The following CEMIP2 variants were observed in gnomAD, a reference collection of about 807,000 sequenced individuals.
CEMIP2 encodes cell surface hyaluronidase CEMIP2.
Under a neutral mutation model 146.9 loss-of-function variants are expected in CEMIP2, and 79 were observed. The ratio of observed to expected loss-of-function variants is 0.54; its 90% CI spans 0.45 to 0.65. The LOEUF is 0.65. Among genes scored for constraint, CEMIP2 ranks in the 30% least tolerant of loss-of-function variants. CEMIP2 has a pLI of 0.00. For missense variants in CEMIP2, 1,596 were observed against 1,696.2 expected (o/e 0.94, Z 1.04); for synonymous variants, 601 against 606.3 (o/e 0.99, Z 0.13).
chr9:71,702,571 T>G (rs1428425498), intron 18 of CEMIP2, among the ~76,000 whole-genome samples: 5 of 152,174 alleles, frequency 3.3e-5, no homozygotes, highest in African/African-American at 9.7e-5. Flanking sequence ...TTCCATTTTC[T>G]TTATGTTTTT....
At chr9:71,692,674 C>T (rs569285313) in intron 21 of CEMIP2, among the ~76,000 whole-genome samples, 4 of 152,144 alleles carry the variant, frequency 2.6e-5, no homozygotes, top group Middle Eastern at 3.4e-3. Flanking sequence ...TTTGGAAGGC[C>T]AAGGCAGGAA....
chr9:71,768,135 G>A (rs904178183), intron 1 of CEMIP2, among the ~76,000 whole-genome samples: 1 of 152,184 alleles, frequency 6.6e-6, no homozygotes, highest in Non-Finnish European at 1.5e-5. Flanking sequence ...CTGGGGAGTC[G>A]GGTCAGTCCC....
intron 12 of CEMIP2, among the ~76,000 whole-genome samples, chr9:71,719,495 T>C (rs1823168025): frequency 6.6e-6 from 1 of 152,176 alleles, no homozygotes; most frequent in African/African-American, 2.4e-5. Flanking sequence ...ATCAAATTTC[T>C]TTTTTGTTCT....
chr9:71,692,365 ATCTCTC>A (rs10683725), intron 21 of CEMIP2, among the ~76,000 whole-genome samples: 19 of 90,560 alleles, frequency 2.1e-4, no homozygotes, highest in Admixed American at 6.9e-4. Flanking sequence ...TCTACCCCCC[ATCTCTC>A]TCTCTCTCTC....
chr9:71,758,846 C>T (rs552673543), intron 1 of CEMIP2, among the ~76,000 whole-genome samples: 1 of 152,184 alleles, frequency 6.6e-6, no homozygotes, highest in Non-Finnish European at 1.5e-5. Context: ...GAAGATTTTC[C>T]ACAGGACATG....
chr9:71,696,763 C>A (rs1446302305), intron 20 of CEMIP2, among the ~76,000 whole-genome samples: 3 of 151,886 alleles, frequency 2.0e-5, no homozygotes, highest in Non-Finnish European at 4.4e-5. Context: ...GAGAGAGACT[C>A]CATCTCAACA....
intron 11 of CEMIP2, among the ~76,000 whole-genome samples, chr9:71,723,060 A>G (rs1823283564): frequency 6.7e-6 from 1 of 149,540 alleles, no homozygotes; most frequent in African/African-American, 2.4e-5. Context: ...GAAGGAGCTG[A>G]AGAGCCAGAG....
chr9:71,756,227 T>TA, intron 1 of CEMIP2, among the ~76,000 whole-genome samples: 3 of 104,492 alleles, frequency 2.9e-5, no homozygotes, highest in South Asian at 3.9e-4. Flanking sequence ...TATATATATA[T>TA]GTATATAGGT....
intron 20 of CEMIP2, among the ~76,000 whole-genome samples, chr9:71,697,112 G>A (rs544958553): frequency 2.8e-4 from 43 of 152,308 alleles, no homozygotes; most frequent in Admixed American, 9.8e-4. Flanking sequence ...TTGCCAGGCC[G>A]CAGCCCCACA....
At chr9:71,715,625 G>T (rs1265111685) in intron 14 of CEMIP2, among the ~76,000 whole-genome samples, 77 of 119,044 alleles carry the variant, frequency 6.5e-4, no homozygotes, top group Non-Finnish European at 9.3e-4. Flanking sequence ...TCCCTCTTAA[G>T]ATATATATAT....
chr9:71,750,355 T>C lies in CEMIP2; in HGVS notation c.19A>G (p.Arg7Gly), dbSNP rs776154738. 6.2e-7 allele frequency: 1 copy of C among 1,611,754 alleles called. No homozygotes were observed. The highest frequency in any genetic ancestry group is 8.5e-7 in the Non-Finnish European group (1 of 1,178,972). Residue 7 changes from arginine to glycine, a missense_variant, in exon 2 of 24, where the codon AGG becomes GGG. By Grantham distance (125) the Arg-to-Gly change is moderately radical (BLOSUM62 -2). Coordinates refer to ENST00000377044, the MANE Select transcript of CEMIP2 (RefSeq NM_013390.3). ...TGGAGGAAAGCAGGGGAGTGTCCCC[T>C]GGAATCAGTGGCATACATGATACAC... MYATDS[R>G]GHSPAFLQPQ... is the part of the protein sequence containing the mutation.
chr9:71,742,194 C>T (rs1823942298), intron 4 of CEMIP2, among the ~76,000 whole-genome samples: 1 of 152,206 alleles, frequency 6.6e-6, no homozygotes, highest in Admixed American at 6.5e-5. Flanking sequence ...ACAAATTCCA[C>T]AGCCGCCCCT....
At chr9:71,697,847 C>G in intron 20 of CEMIP2, 138 bp downstream of exon 20, 1 of 849,538 alleles carries the variant, frequency 1.2e-6, no homozygotes, top group South Asian at 1.8e-5. Flanking sequence ...CACATTTTAG[C>G]ATGGGCCAAA....
At chr9:71,713,731 A>G (rs1412784205) in intron 15 of CEMIP2, among the ~76,000 whole-genome samples, 2 of 152,202 alleles carry the variant, frequency 1.3e-5, no homozygotes. Context: ...AATTGTGAAG[A>G]GCACAGCACT....
rs905756651 is a variant in CEMIP2 at position 71,708,048 on chromosome 9, A to G, written c.2985+1211T>C. On this transcript the variant is annotated intron_variant, in intron 17 of 23. Transcript: ENST00000377044. ...AAAAATACAAAAAAACTAGCCGGGC[A>G]TGGTGGCGGGCGCCTGTAGTCCAGC... Among the ~76,000 whole-genome samples, 11 of 152,280 alleles carry G rather than the reference A, an allele frequency of 7.2e-5. 1 individual carries two copies. The highest frequency in any genetic ancestry group is 3.9e-4 in the East Asian group (2 of 5,168).
chr9:71,692,460 C>A (rs1319934545), intron 21 of CEMIP2, among the ~76,000 whole-genome samples: 1 of 151,408 alleles, frequency 6.6e-6, no homozygotes, highest in Non-Finnish European at 1.5e-5. Flanking sequence ...GCAACTCCCA[C>A]CAGTTACCAT....
At chr9:71,719,452 T>C (rs1361577906) in intron 12 of CEMIP2, among the ~76,000 whole-genome samples, 1 of 152,156 alleles carries the variant, frequency 6.6e-6, no homozygotes, top group African/African-American at 2.4e-5. Flanking sequence ...CAATGGGAAG[T>C]CAATGGAAGC....
chr9:71,741,096 T>C (rs1170392275), intron 4 of CEMIP2, among the ~76,000 whole-genome samples: 1 of 152,110 alleles, frequency 6.6e-6, no homozygotes, highest in East Asian at 1.9e-4. Flanking sequence ...TTTATCCTTC[T>C]TCCTGACATA....
chr9:71,709,673 G>A (rs959163738), intron 16 of CEMIP2, among the ~76,000 whole-genome samples, 199 bp from the exon 17 acceptor site: 1 of 152,124 alleles, frequency 6.6e-6, no homozygotes, highest in Non-Finnish European at 1.5e-5. Flanking sequence ...GGGTTGGGGG[G>A]AATTTCCCAA....
Sources: allele counts gnomAD v4.1 joint callset (sites outside exome capture counted in the v4.1 genomes callset), GRCh38; gene constraint gnomAD v4.1.1; transcripts MANE v1.5; gene names NCBI Gene and HGNC (gene_info 2026-07-23, HGNC 2026-07-21).